ARID3B: variants seen among roughly 807,000 people sequenced by gnomAD.
ARID3B encodes AT-rich interaction domain 3B, also known as AT-rich interactive domain-containing protein 3B.
A neutral mutation model predicts 51.9 loss-of-function variants in ARID3B; 10 were observed. That is an observed-to-expected ratio of 0.19 (90% CI 0.12 to 0.33). The LOEUF (loss-of-function observed/expected upper bound fraction) is 0.33, where lower values mean the gene tolerates loss of function less well. Among genes scored for constraint, ARID3B ranks in the 10% least tolerant of loss-of-function variants. The probability of loss-of-function intolerance (pLI) is 1.00; values close to 1 mark genes in which losing one functional copy is unlikely to be tolerated. For missense variants in ARID3B, 483 were observed against 716.3 expected (o/e 0.67, Z 3.72); for synonymous variants, 205 against 279.5 (o/e 0.73, Z 2.66).
chr15:74,546,910 C>A (rs911401248), intron 2 of ARID3B, among the ~76,000 whole-genome samples: 2 of 152,144 alleles, frequency 1.3e-5, no homozygotes, highest in African/African-American at 2.4e-5. Context: ...TTCTATAAAT[C>A]CTGATTTTAA....
intron 4 of ARID3B, among the ~76,000 whole-genome samples, chr15:74,582,676 G>A (rs1051215574): frequency 2.6e-5 from 4 of 152,186 alleles, no homozygotes; most frequent in East Asian, 1.9e-4. Context: ...GGCAGTGTTC[G>A]CTAAAGCTAA....
At chr15:74,586,714 T>C (rs1047582603) in intron 4 of ARID3B, among the ~76,000 whole-genome samples, 6 of 152,190 alleles carry the variant, frequency 3.9e-5, no homozygotes, top group African/African-American at 1.4e-4. Flanking sequence ...CATTTCTGGG[T>C]AGGTTAATTT....
intron 8 of ARID3B, among the ~76,000 whole-genome samples, chr15:74,594,190 T>C (rs763402474): frequency 3.3e-5 from 5 of 152,252 alleles, no homozygotes; most frequent in African/African-American, 4.8e-5. Flanking sequence ...GGCTCACGCC[T>C]GTAATCCCAG....
At chr15:74,563,207 G>A (rs1445285476) in intron 2 of ARID3B, among the ~76,000 whole-genome samples, 1 of 152,176 alleles carries the variant, frequency 6.6e-6, no homozygotes, top group African/African-American at 2.4e-5. Context: ...AGAGGTGGCC[G>A]GTGGCATAGG....
chr15:74,553,935 T>G (rs76738358), intron 2 of ARID3B, among the ~76,000 whole-genome samples: 26,715 of 151,946 alleles, frequency 0.18, 3,420 homozygotes, highest in East Asian at 0.42. Flanking sequence ...GAGATTCTCC[T>G]GCCTCAGCCT....
intron 2 of ARID3B, among the ~76,000 whole-genome samples, chr15:74,570,227 GC>G (rs1270142812): frequency 6.6e-6 from 1 of 152,112 alleles, no homozygotes; most frequent in East Asian, 1.9e-4. Context: ...ACCAGCCCCA[GC>G]CCCCATCCTG....
At chr15:74,593,943 G>C (rs2061813573) in intron 8 of ARID3B, among the ~76,000 whole-genome samples, 1 of 152,030 alleles carries the variant, frequency 6.6e-6, no homozygotes, top group Non-Finnish European at 1.5e-5. Flanking sequence ...TTGGGAGGCT[G>C]AGGCCAGGAG....
At chr15:74,554,292 A>G (rs900078885) in intron 2 of ARID3B, among the ~76,000 whole-genome samples, 1 of 150,952 alleles carries the variant, frequency 6.6e-6, no homozygotes, top group Non-Finnish European at 1.5e-5. Flanking sequence ...TACAGGCATG[A>G]GCCACCATGC....
At chr15:74,576,143 C>T (rs2061736525) in intron 4 of ARID3B, among the ~76,000 whole-genome samples, 1 of 152,120 alleles carries the variant, frequency 6.6e-6, no homozygotes. Context: ...GATCCTCCCA[C>T]CTCGGCTTTT....
chr15:74,543,814 G>A (rs575548856), intron 1 of ARID3B, 46 bp from the exon 2 acceptor site: 4 of 1,305,038 alleles, frequency 3.1e-6, no homozygotes, highest in African/African-American at 3.0e-5. Context: ...GCTTAACATG[G>A]TTGTTTTTTC....
rs754558021 is a variant in ARID3B at position 74,572,914 on chromosome 15, T to G, written c.605T>G (p.Ile202Ser). ...DDADGGRGRE[I>S]SRDFAKLYEL... Reference sequence around the variant, plus strand: ...GCAGATGGAGGCCGGGGAAGAGAGATCTCTCGAGATTTTGCCAAGGTCTGT... The same window carrying G: ...GCAGATGGAGGCCGGGGAAGAGAGAGCTCTCGAGATTTTGCCAAGGTCTGT... Residue 202 changes from isoleucine to serine, a missense_variant, in exon 3 of 9, where the codon ATC becomes AGC. Ile to Ser is a moderately radical substitution (Grantham distance 142, BLOSUM62 -2). Coordinates refer to ENST00000346246, the MANE Select transcript of ARID3B (RefSeq NM_006465.4). 62 of 1,614,054 alleles carry G rather than the reference T, an allele frequency of 3.8e-5. No homozygotes were observed. The highest frequency in any genetic ancestry group is 5.2e-5 in the Non-Finnish European group (61 of 1,180,042).
intron 4 of ARID3B, among the ~76,000 whole-genome samples, chr15:74,588,445 G>GT (rs2061789629): frequency 6.6e-6 from 1 of 152,120 alleles, no homozygotes; most frequent in African/African-American, 2.4e-5. Context: ...GCTCAGGTTG[G>GT]TTTAAGGTCC....
intron 2 of ARID3B, 59 bp from the exon 3 acceptor site, chr15:74,572,803 C>G: frequency 1.3e-6 from 2 of 1,537,676 alleles, no homozygotes; most frequent in Non-Finnish European, 1.8e-6. Flanking sequence ...GCCTTGCCCT[C>G]TGTCCTAACT....
intron 4 of ARID3B, among the ~76,000 whole-genome samples, chr15:74,582,878 C>T (rs983291098): frequency 1.3e-5 from 2 of 152,162 alleles, no homozygotes; most frequent in Admixed American, 6.5e-5. Flanking sequence ...AGTCACATAT[C>T]GGAACACTAC....
At chr15:74,546,329 G>A (rs973036418) in intron 2 of ARID3B, among the ~76,000 whole-genome samples, 1 of 152,214 alleles carries the variant, frequency 6.6e-6, no homozygotes, top group Non-Finnish European at 1.5e-5. Context: ...CCCTGACAGC[G>A]CTGGGAAAGT....
chr15:74,584,156 A>G (rs906319658), intron 4 of ARID3B, among the ~76,000 whole-genome samples: 18 of 152,228 alleles, frequency 1.2e-4, no homozygotes, highest in African/African-American at 4.3e-4. Flanking sequence ...TTGTATGCAT[A>G]GTACCCAATA....
Position 74,543,950 on chromosome 15 carries a change from A to G in ARID3B, c.14A>G (p.Gln5Arg), listed in dbSNP as rs2061604222. The G allele has an allele frequency of 6.4e-7, 1 of 1,560,514 alleles. No individual in the cohort carries two copies. The highest frequency in any genetic ancestry group is 1.2e-5 in the South Asian group (1 of 86,768). Residue 5 changes from glutamine to arginine, a missense_variant, in exon 2 of 9, where the codon CAG becomes CGG. This residue lies in a region of ARID3B where 182 missense variants were observed against 244.5 expected (regional missense o/e 0.74). Coordinates refer to ENST00000346246, the MANE Select transcript of ARID3B (RefSeq NM_006465.4). Reference sequence around the variant, plus strand: ...CTTGAGGCAAAAATGGAGCCACTTCAGCAGCAGCAGCAGCAGCAGCAGCAA... The same window carrying G: ...CTTGAGGCAAAAATGGAGCCACTTCGGCAGCAGCAGCAGCAGCAGCAGCAA... MEPL[Q>R]QQQQQQQQQQ...
chr15:74,570,228 C>T (rs1051624559), intron 2 of ARID3B, among the ~76,000 whole-genome samples: 8 of 152,112 alleles, frequency 5.3e-5, no homozygotes, highest in African/African-American at 1.9e-4. Context: ...CCAGCCCCAG[C>T]CCCCATCCTG....
Position 74,597,370 on chromosome 15 carries a change from C to G in ARID3B, c.*1596C>G. 1 of 432,810 alleles carries G rather than the reference C, an allele frequency of 2.3e-6. No homozygotes were observed. The highest frequency in any genetic ancestry group is 4.4e-6 in the Non-Finnish European group (1 of 228,756). 26.8% of individuals were successfully genotyped at this position (432,810 alleles called of 1,614,324 possible). A position where few individuals can be genotyped will look rare whatever the true frequency, so the allele number is the denominator to read the frequency against. Reference sequence around the variant, plus strand: ...GGCGTGGGTGTGTGTGGCAGCGTGGCTCGCATTCAGTCCTGTGTAGGAGAG... The same window carrying G: ...GGCGTGGGTGTGTGTGGCAGCGTGGGTCGCATTCAGTCCTGTGTAGGAGAG... On this transcript the variant is annotated 3_prime_UTR_variant, in exon 9 of 9. Coordinates refer to ENST00000346246, the MANE Select transcript of ARID3B (RefSeq NM_006465.4).
Sources: gnomAD v4.1 joint callset for allele counts (sites outside exome capture counted in the v4.1 genomes callset) on GRCh38, gnomAD v4.1.1 for gene constraint, gnomAD v4.1.1 regional missense constraint, MANE v1.5 for transcripts, NCBI Gene and HGNC (gene_info 2026-07-23, HGNC 2026-07-21) for gene names.